Variants in CSMD1 observed in about 807,000 individuals in gnomAD.
The protein encoded by CSMD1 is CUB and sushi domain-containing protein 1.
Under a neutral mutation model 417.5 loss-of-function variants are expected in CSMD1, and 213 were observed. The observed-to-expected ratio is 0.51, with a 90% CI of 0.46 to 0.57. CSMD1 has a LOEUF of 0.57. CSMD1 is among the 20% of genes least tolerant of loss of function. CSMD1 has a pLI of 0.00. For synonymous variants in CSMD1, 2,862 were observed against 1,736.8 expected (o/e 1.65, Z -16.11); for missense variants, 6,923 against 4,529.7 (o/e 1.53, Z -15.17).
chr8:4,976,177 C>G (rs1321934127), intron 1 of CSMD1, among the ~76,000 whole-genome samples: 2 of 152,122 alleles, frequency 1.3e-5, no homozygotes, highest in Non-Finnish European at 2.9e-5. Context: ...GAGACAAGGG[C>G]TGAAAAACCA....
chr8:4,644,084 C>G (rs146797627), intron 1 of CSMD1, among the ~76,000 whole-genome samples: 12 of 152,290 alleles, frequency 7.9e-5, no homozygotes, highest in African/African-American at 2.6e-4. Context: ...GCCAAGGAAT[C>G]GATTTCTCAC....
chr8:3,808,406 GT>G (rs1470522849), intron 5 of CSMD1, among the ~76,000 whole-genome samples: 15 of 152,024 alleles, frequency 9.9e-5, no homozygotes, highest in African/African-American at 3.6e-4. Flanking sequence ...TAAAAAGTAA[GT>G]TTTACTACTC....
chr8:3,885,665 C>G (rs1325492319), intron 5 of CSMD1, among the ~76,000 whole-genome samples: 3 of 152,126 alleles, frequency 2.0e-5, no homozygotes. Context: ...TCATTATTCT[C>G]TCCATCTTTC....
chr8:4,686,977 G>C (rs375957215), intron 1 of CSMD1, among the ~76,000 whole-genome samples: 12 of 152,322 alleles, frequency 7.9e-5, no homozygotes, highest in African/African-American at 2.9e-4. Flanking sequence ...CGGCACACAG[G>C]GAGGTGGCAA....
intron 11 of CSMD1, among the ~76,000 whole-genome samples, chr8:3,486,784 G>T (rs1187632796): frequency 6.6e-6 from 1 of 152,338 alleles, no homozygotes; most frequent in South Asian, 2.1e-4. Context: ...GGCTTTCCCA[G>T]ATAGCTCCAC....
At chr8:4,765,770 C>T (rs1812423505) in intron 1 of CSMD1, among the ~76,000 whole-genome samples, 1 of 152,106 alleles carries the variant, frequency 6.6e-6, no homozygotes, top group Non-Finnish European at 1.5e-5. Context: ...GGATAATTTC[C>T]ATAATAGAGA....
At chr8:3,173,442 A>G (rs1820707724) in intron 37 of CSMD1, among the ~76,000 whole-genome samples, 1 of 152,214 alleles carries the variant, frequency 6.6e-6, no homozygotes, top group South Asian at 2.1e-4. Flanking sequence ...TAATGAAAGC[A>G]ATTTTAATAG....
chr8:4,062,553 T>C (rs2084256128), intron 3 of CSMD1, among the ~76,000 whole-genome samples: 1 of 152,132 alleles, frequency 6.6e-6, no homozygotes, highest in Admixed American at 6.6e-5. Flanking sequence ...ATGAACAACA[T>C]TTCGTGAAAC....
At chr8:3,232,130 A>G (rs1021546008) in intron 26 of CSMD1, among the ~76,000 whole-genome samples, 1 of 152,180 alleles carries the variant, frequency 6.6e-6, no homozygotes, top group African/African-American at 2.4e-5. Flanking sequence ...ACCCTTCCCC[A>G]TATCACCTTC....
intron 1 of CSMD1, among the ~76,000 whole-genome samples, chr8:4,969,114 G>A (rs1359232819): frequency 6.6e-6 from 1 of 152,012 alleles, no homozygotes; most frequent in African/African-American, 2.4e-5. Flanking sequence ...TTTATAATTT[G>A]CAGGACGAAT....
chr8:3,867,803 A>C (rs1357005699), intron 5 of CSMD1, among the ~76,000 whole-genome samples: 1 of 152,132 alleles, frequency 6.6e-6, no homozygotes, highest in African/African-American at 2.4e-5. Flanking sequence ...TATGACTCAC[A>C]TTCCAACTGA....
chr8:4,250,552 G>C (rs970747867), intron 3 of CSMD1, among the ~76,000 whole-genome samples: 1 of 152,124 alleles, frequency 6.6e-6, no homozygotes, highest in African/African-American at 2.4e-5. Context: ...CAAAAGTTTA[G>C]AATGGAAAGC....
At chr8:4,674,564 T>G (rs1397078149) in intron 1 of CSMD1, among the ~76,000 whole-genome samples, 1 of 152,110 alleles carries the variant, frequency 6.6e-6, no homozygotes, top group Non-Finnish European at 1.5e-5. Context: ...TGAACAAAGA[T>G]GTACCACTAA....
chr8:4,073,297 A>C (rs1031999864), intron 3 of CSMD1, among the ~76,000 whole-genome samples: 1 of 152,198 alleles, frequency 6.6e-6, no homozygotes, highest in Non-Finnish European at 1.5e-5. Context: ...GAGAGTAAAG[A>C]AATTTAGCTG....
At chr8:4,811,501 G>A (rs1473605157) in intron 1 of CSMD1, among the ~76,000 whole-genome samples, 1 of 152,050 alleles carries the variant, frequency 6.6e-6, no homozygotes, top group Non-Finnish European at 1.5e-5. Context: ...TTAGGGGATT[G>A]GTGGCAATGT....
At chr8:4,340,405 A>G (rs1326384502) in intron 3 of CSMD1, among the ~76,000 whole-genome samples, 1 of 152,092 alleles carries the variant, frequency 6.6e-6, no homozygotes, top group Non-Finnish European at 1.5e-5. Context: ...AGTTTGCTTT[A>G]CCATTGGCCA....
chr8:3,141,417 T>A (rs758170603), intron 41 of CSMD1, among the ~76,000 whole-genome samples: 1 of 152,154 alleles, frequency 6.6e-6, no homozygotes. Flanking sequence ...TGAAACAAAA[T>A]TGATCATGGC....
chr8:3,309,866 G>T (rs537848652), intron 23 of CSMD1, among the ~76,000 whole-genome samples: 3 of 152,276 alleles, frequency 2.0e-5, no homozygotes, highest in Admixed American at 1.3e-4. Flanking sequence ...TTGCAGCTTT[G>T]TATAGGAGAA....
intron 12 of CSMD1, among the ~76,000 whole-genome samples, chr8:3,462,617 A>G (rs13277529): frequency 0.15 from 22,677 of 152,120 alleles, 1,765 homozygotes; most frequent in East Asian, 0.22. Context: ...AGGGCTCCCA[A>G]TGATTCTACA....
Sources: gnomAD v4.1 joint callset for allele counts (sites outside exome capture counted in the v4.1 genomes callset) on GRCh38, gnomAD v4.1.1 for gene constraint, MANE v1.5 for transcripts, NCBI Gene and HGNC (gene_info 2026-07-23, HGNC 2026-07-21) for gene names.